The following USH1C variants were observed in gnomAD, a reference collection of about 807,000 sequenced individuals.
The protein encoded by USH1C is harmonin.
A neutral mutation model predicts 119.3 loss-of-function variants in USH1C; 90 were observed. The ratio of observed to expected loss-of-function variants is 0.75; its 90% CI spans 0.64 to 0.90. USH1C has a LOEUF of 0.90. USH1C is among the 40% of genes least tolerant of loss of function. The pLI, the probability that USH1C is intolerant of heterozygous loss-of-function variation, is 0.00. For synonymous variants in USH1C, 465 were observed against 443.3 expected, an observed-to-expected ratio of 1.05 and a Z score of -0.62; for missense variants, 1,165 against 1,167.7, an observed-to-expected ratio of 1.00 and a Z score of 0.03.
intron 1 of USH1C, among the ~76,000 whole-genome samples, chr11:17,538,299 C>T (rs903638391): frequency 2.0e-5 from 3 of 152,180 alleles, no homozygotes; most frequent in African/African-American, 7.2e-5. Flanking sequence ...AGCATCTCCA[C>T]CCTCACAATC....
intron 1 of USH1C, among the ~76,000 whole-genome samples, chr11:17,541,985 C>T (rs1431296163): frequency 6.6e-6 from 1 of 152,224 alleles, no homozygotes; most frequent in Non-Finnish European, 1.5e-5. Flanking sequence ...GTTCTGCTAA[C>T]TCCAGATAAT....
chr11:17,504,663 T>G lies in USH1C; in HGVS notation c.2168A>C (p.Gln723Pro), dbSNP rs1351708183. 1.9e-6 allele frequency: 3 copies of G among 1,614,066 alleles called. No individual in the cohort carries two copies. In the South Asian group the frequency reaches 3.3e-5, roughly 18 times the overall value. The change falls in exon 20 of 27, where the codon CAG (glutamine) becomes CCG (proline). Residue 723 changes from glutamine (Q) to proline (P), a missense_variant. Transcript: ENST00000005226. Reference sequence around the variant, plus strand: ...TCAGTTTACTTGTCTGAATGCTGTCTGATAAACCACCATCCTCTTCAACAT... The same window carrying G: ...TCAGTTTACTTGTCTGAATGCTGTCGGATAAACCACCATCCTCTTCAACAT... Reference protein sequence around the residue: ...QEMLKRMVVYQTAFRQDFRKY... With the variant: ...QEMLKRMVVYPTAFRQDFRKY...
At chr11:17,517,159 C>T (rs1486778583) in intron 14 of USH1C, among the ~76,000 whole-genome samples, 6 of 152,132 alleles carry the variant, frequency 3.9e-5, no homozygotes, top group African/African-American at 9.7e-5. Context: ...TCTAAATATT[C>T]GAGCCAGCGG....
chr11:17,516,379 A>T lies in USH1C; in HGVS notation c.1211-89T>A, dbSNP rs1175664430. The T allele has an allele frequency of 3.9e-6, 5 of 1,290,718 alleles. No homozygotes were observed. The Admixed American group carries it at 9.6e-5, about 25-fold the overall frequency. 80.0% of individuals were successfully genotyped at this position (1,290,718 alleles called of 1,614,324 possible). A position where few individuals can be genotyped will look rare whatever the true frequency, so the allele number is the denominator to read the frequency against. ...GCAGATGGGAGCTGGGTTCCCAAGG[A>T]ATGCATGACTTTGTGAGATAAACAG... On this transcript the variant is annotated intron_variant, in intron 14 of 26. Transcript: ENST00000005226.
intron 4 of USH1C, among the ~76,000 whole-genome samples, chr11:17,528,900 C>T (rs1377525032): frequency 1.3e-5 from 2 of 152,198 alleles, no homozygotes; most frequent in Admixed American, 6.5e-5. Flanking sequence ...TCACAACAAC[C>T]CTGCAGAGCA....
intron 1 of USH1C, among the ~76,000 whole-genome samples, chr11:17,535,453 C>T (rs1250952646): frequency 6.6e-6 from 1 of 152,120 alleles, no homozygotes; most frequent in Non-Finnish European, 1.5e-5. Context: ...GTTTCAATTC[C>T]TTCACAGATC....
At chr11:17,532,191 C>T (rs1851019584) in intron 2 of USH1C, among the ~76,000 whole-genome samples, 1 of 152,234 alleles carries the variant, frequency 6.6e-6, no homozygotes, top group Non-Finnish European at 1.5e-5. Flanking sequence ...CCCCAGATTA[C>T]TTATCTCCAT....
chr11:17,510,552 G>A, intron 16 of USH1C, 31 bp from the exon 17 acceptor site: 1 of 1,509,960 alleles, frequency 6.6e-7, no homozygotes, highest in Non-Finnish European at 9.2e-7. Context: ...AGAAAGGAGA[G>A]GACAAAGGGC....
intron 17 of USH1C, among the ~76,000 whole-genome samples, 160 bp downstream of exon 17, chr11:17,510,245 C>A (rs1849828032): frequency 1.3e-5 from 2 of 152,128 alleles, no homozygotes; most frequent in Admixed American, 1.3e-4. Context: ...TATCCCTCCT[C>A]CTCAAGAGGG....
chr11:17,497,982 T>G (rs1849300897), intron 24 of USH1C, among the ~76,000 whole-genome samples, 180 bp downstream of exon 24: 1 of 152,222 alleles, frequency 6.6e-6, no homozygotes, highest in African/African-American at 2.4e-5. Context: ...TCTATTTTTC[T>G]GAATCCCATC....
In USH1C at chr11:17,522,890, C is replaced by T. The variant is rs1187754133; in HGVS notation, c.913G>A (p.Ala305Thr). ...ELFMTDRERLAEARQRELQRQ... is the reference protein window; with the variant it reads ...ELFMTDRERLTEARQRELQRQ... Reference sequence around the variant, plus strand: ...TGCAGCTCACGCTGCCGCGCCTCTGCCAGCCGCTCCCGGTCTGTCATGAAC... The same window carrying T: ...TGCAGCTCACGCTGCCGCGCCTCTGTCAGCCGCTCCCGGTCTGTCATGAAC... Residue 305 changes from alanine to threonine, a missense_variant, in exon 12 of 27, where the codon GCA becomes ACA. Transcript: ENST00000005226. The T allele has an allele frequency of 1.2e-6, 2 of 1,612,760 alleles. No individual in the cohort carries two copies. The highest frequency in any genetic ancestry group is 1.7e-5 in the Admixed American group (1 of 59,814).
intron 15 of USH1C, among the ~76,000 whole-genome samples, chr11:17,513,026 T>C (rs546486518): frequency 6.6e-6 from 1 of 152,338 alleles, no homozygotes; most frequent in South Asian, 2.1e-4. Context: ...TTTATACCAA[T>C]GATCTCCTAT....
Position 17,540,376 on chromosome 11 carries a change from C to T in USH1C, c.36+3896G>A, listed in dbSNP as rs532910528. On this transcript the variant is annotated intron_variant, in intron 1 of 26. Coordinates refer to ENST00000005226, the MANE Select transcript of USH1C (RefSeq NM_153676.4). ...CCTGCTTCTCCTTGCTTTCCTTCCT[C>T]GCTTGCTGCTCCTTCTCCTCCAAAA... Among the ~76,000 whole-genome samples, 7 of 152,152 alleles carry T rather than the reference C, an allele frequency of 4.6e-5. 1 individual carries two copies. The highest frequency in any genetic ancestry group is 4.2e-4 in the South Asian group (2 of 4,800).
intron 12 of USH1C, 74 bp from the exon 13 acceptor site, chr11:17,521,485 G>C: frequency 1.3e-6 from 2 of 1,530,018 alleles, no homozygotes; most frequent in South Asian, 1.1e-5. Flanking sequence ...GTGAATTCTT[G>C]ATTTGGAGAA....
intron 4 of USH1C, among the ~76,000 whole-genome samples, chr11:17,529,370 G>A (rs1304885724): frequency 6.6e-6 from 1 of 152,216 alleles, no homozygotes; most frequent in African/African-American, 2.4e-5. Flanking sequence ...ACTAGGTCCT[G>A]TGGGAGGGTC....
At position 17,523,585 on chromosome 11, in the gene USH1C, G is replaced by A. The variant is rs898413025; in HGVS notation, c.760-107C>T. ...TCTGGGTCAGATGCTGGATCTTCAA[G>A]TGGCAGTACCTCAGCTCCTCCTGAT... On this transcript the variant is annotated intron_variant, in intron 9 of 26. Coordinates refer to ENST00000005226, the MANE Select transcript of USH1C (RefSeq NM_153676.4). 9.4e-6 allele frequency: 10 copies of A among 1,064,292 alleles called. No individual in the cohort carries two copies. The African/African-American group carries it at 1.4e-4, about 15-fold the overall frequency. 65.9% of individuals were successfully genotyped at this position (1,064,292 alleles called of 1,614,324 possible).
chr11:17,504,545 C>T, intron 20 of USH1C, 102 bp downstream of exon 20: 1 of 1,339,942 alleles, frequency 7.5e-7, no homozygotes, highest in Non-Finnish European at 1.1e-6. Context: ...ATGGGGCCAC[C>T]ATGGACCTGA....
chr11:17,517,940 G>A (rs545589629), intron 14 of USH1C, among the ~76,000 whole-genome samples: 137 of 152,354 alleles, frequency 9.0e-4, no homozygotes, highest in East Asian at 1.4e-3. Flanking sequence ...GATGGAGGCT[G>A]AAGGTCCTGA....
intron 26 of USH1C, chr11:17,495,212 C>A (rs531165682): frequency 1.4e-4 from 50 of 345,732 alleles, no homozygotes; most frequent in South Asian, 1.4e-3. Flanking sequence ...CCTTCAGCCC[C>A]ACATGCCTGG....
Sources: allele counts gnomAD v4.1 joint callset (sites outside exome capture counted in the v4.1 genomes callset), GRCh38; gene constraint gnomAD v4.1.1; transcripts MANE v1.5; gene names NCBI Gene and HGNC (gene_info 2026-07-23, HGNC 2026-07-21).